Variants in PPHLN1 observed in about 807,000 individuals in gnomAD.
PPHLN1 encodes the protein periphilin 1.
PPHLN1 carries 29 observed loss-of-function variants against 51.3 expected under a neutral mutation model. The observed-to-expected ratio is 0.57, with a 90% CI of 0.42 to 0.77. PPHLN1 has a LOEUF of 0.77. PPHLN1 is among the 30% of genes least tolerant of loss of function. PPHLN1 has a pLI of 0.00. For missense variants in PPHLN1, 436 were observed against 438.4 expected (o/e 0.99, Z 0.05); for synonymous variants, 147 against 147.8 (o/e 0.99, Z 0.04).
In PPHLN1 at chr12:42,374,834, CTTAT is replaced by C. The variant is rs767291293; in HGVS notation, c.300-26_300-23del. 2.7e-6 allele frequency: 4 copies of C among 1,503,970 alleles called. No individual in the cohort carries two copies. The African/African-American group carries it at 4.4e-5, about 17-fold the overall frequency. The allele number at this position is 1,503,970 out of a possible 1,614,324, so 93.2% of individuals were successfully genotyped here. On this transcript the variant is annotated intron_variant, in intron 4 of 9. Transcript: ENST00000358314. ...TATATAGAGGATAGAGTATAATTAA[CTTAT>C]TTTATGTTTTTTTTTTTTTCAAAGG...
chr12:42,446,491 T>G, downstream of PPHLN1: 1 of 1,431,092 alleles, frequency 7.0e-7, no homozygotes, highest in East Asian at 2.5e-5. Context: ...CAAAAAAAAA[T>G]CTCTCCTAGA....
Position 42,391,413 on chromosome 12 carries a change from A to G in PPHLN1, c.649-2157A>G, listed in dbSNP as rs113687848. On this transcript the variant is annotated intron_variant, in intron 7 of 9. Transcript: ENST00000358314. ...GCCACCACACCTGGCTAATTTTTGT[A>G]TATGTAGTAGAGATGGGGTTTCACC... 4.5e-3 allele frequency among the ~76,000 whole-genome samples: 680 copies of G among 151,904 alleles called. 6 individuals carry two copies. The highest frequency in any genetic ancestry group is 0.015 in the African/African-American group (627 of 41,414).
chr12:42,367,744 A>G (rs2075408063), intron 4 of PPHLN1, among the ~76,000 whole-genome samples: 1 of 152,092 alleles, frequency 6.6e-6, no homozygotes, highest in African/African-American at 2.4e-5. Flanking sequence ...TATTATTATT[A>G]AGTTTTTGAA....
chr12:42,442,935 C>T (rs560757437), downstream of PPHLN1: 7 of 846,322 alleles, frequency 8.3e-6, no homozygotes, highest in South Asian at 4.3e-5. Flanking sequence ...TTCCCATAAC[C>T]CATGGTCCCC....
intron 9 of PPHLN1, among the ~76,000 whole-genome samples, chr12:42,414,702 T>C (rs573655395): frequency 3.9e-5 from 6 of 152,288 alleles, no homozygotes; most frequent in African/African-American, 1.2e-4. Flanking sequence ...GTTTTCTAGG[T>C]ATATAGTCAT....
intron 4 of PPHLN1, among the ~76,000 whole-genome samples, chr12:42,360,426 T>C (rs764697019): frequency 2.7e-5 from 4 of 150,712 alleles, no homozygotes; most frequent in Non-Finnish European, 4.4e-5. Context: ...TATAGGTTTT[T>C]GCCAGGACAG....
At chr12:42,429,961 T>C (rs1390320402) in intron 9 of PPHLN1, among the ~76,000 whole-genome samples, 20 of 152,200 alleles carry the variant, frequency 1.3e-4, no homozygotes, top group Non-Finnish European at 2.6e-4. Context: ...ATATTTGGCT[T>C]CTGCCCCCAT....
Position 42,351,996 on chromosome 12 carries a change from G to C in PPHLN1, c.184G>C (p.Asp62His). The C allele has an allele frequency of 6.4e-7, 1 of 1,560,934 alleles. No homozygotes were observed. The highest frequency in any genetic ancestry group is 1.4e-5 in the African/African-American group (1 of 71,614). ...YYSHVDYRDY[D>H]EGRSFSHDRR... ...CAGTCATGTTGATTACCGAGACTAT[G>C]ACGAGGGCCGCAGTTTTTCTCATGA... The change falls in exon 3 of 10, where the codon GAC becomes CAC. Residue 62 changes from aspartate to histidine, a missense_variant. Physicochemically the swap from Asp to His is moderately conservative, Grantham distance 81. Coordinates refer to ENST00000358314, the MANE Select transcript of PPHLN1 (RefSeq NM_201439.2).
chr12:42,337,343 C>G (rs2070817150), intron 2 of PPHLN1, among the ~76,000 whole-genome samples: 2 of 151,026 alleles, frequency 1.3e-5, no homozygotes, highest in Non-Finnish European at 1.5e-5. Flanking sequence ...GGCTCATTCA[C>G]TCTTGTCGCC....
At chr12:42,364,565 A>T (rs887288089) in intron 4 of PPHLN1, among the ~76,000 whole-genome samples, 2 of 152,146 alleles carry the variant, frequency 1.3e-5, no homozygotes, top group Non-Finnish European at 2.9e-5. Flanking sequence ...TTGAGGCTGC[A>T]GTGAGCTGTG....
In PPHLN1 at chr12:42,433,972, A is replaced by G. The variant is rs1303527245; in HGVS notation, c.910-7343A>G. Reference sequence around the variant, plus strand: ...TTTAAAAAAACATAACACCACCAAAAGTTCAGGGTTTGGAGAGCTTCTGGG... The same window carrying G: ...TTTAAAAAAACATAACACCACCAAAGGTTCAGGGTTTGGAGAGCTTCTGGG... On this transcript the variant is annotated intron_variant, in intron 9 of 9. Coordinates refer to ENST00000358314, the MANE Select transcript of PPHLN1 (RefSeq NM_201439.2). Among the ~76,000 whole-genome samples, 3 of 152,174 alleles carry G rather than the reference A, an allele frequency of 2.0e-5. No homozygotes were observed. The South Asian group carries it at 6.2e-4, about 32-fold the overall frequency.
intron 4 of PPHLN1, among the ~76,000 whole-genome samples, chr12:42,362,213 T>A (rs1364441895): frequency 6.6e-6 from 1 of 152,204 alleles, no homozygotes; most frequent in East Asian, 1.9e-4. Context: ...GTTTTGAGTT[T>A]TTTGATTTTT....
At chr12:42,332,643 A>C in intron 1 of PPHLN1, 1 of 1,561,342 alleles carries the variant, frequency 6.4e-7, no homozygotes, top group Non-Finnish European at 8.8e-7. Flanking sequence ...TTACGTCTGT[A>C]TTTCCCCCCC....
chr12:42,417,976 G>T (rs1355752345), intron 9 of PPHLN1, among the ~76,000 whole-genome samples: 3 of 118,298 alleles, frequency 2.5e-5, no homozygotes, highest in Non-Finnish European at 4.8e-5. Flanking sequence ...GTCTCGCTCT[G>T]TCGCCCAGGC....
chr12:42,397,835 G>A (rs902708555), intron 8 of PPHLN1, among the ~76,000 whole-genome samples: 2 of 151,964 alleles, frequency 1.3e-5, no homozygotes, highest in South Asian at 2.1e-4. Context: ...TCTGCCTCCC[G>A]GGTTCAAGTG....
chr12:42,353,395 C>CTAAA (rs2073643697), intron 3 of PPHLN1, among the ~76,000 whole-genome samples: 1 of 152,198 alleles, frequency 6.6e-6, no homozygotes, highest in Admixed American at 6.5e-5. Context: ...TCATACTTTA[C>CTAAA]GCTTGAAGAA....
chr12:42,400,938 T>G (rs910887922), intron 9 of PPHLN1, among the ~76,000 whole-genome samples: 2 of 152,202 alleles, frequency 1.3e-5, no homozygotes, highest in African/African-American at 4.8e-5. Context: ...AACCATGTTT[T>G]CAAATACAGT....
At chr12:42,353,940 TCAAA>T (rs1015300927) in intron 3 of PPHLN1, among the ~76,000 whole-genome samples, 8 of 152,186 alleles carry the variant, frequency 5.3e-5, no homozygotes, top group South Asian at 2.1e-4. Context: ...TAAATTCTCT[TCAAA>T]CAAACAACAA....
chr12:42,380,955 T>C (rs2076708075), intron 5 of PPHLN1, among the ~76,000 whole-genome samples: 1 of 152,174 alleles, frequency 6.6e-6, no homozygotes, highest in South Asian at 2.1e-4. Context: ...GCCTTCTGAG[T>C]TTATGATCTA....
Sources: allele counts gnomAD v4.1 joint callset (sites outside exome capture counted in the v4.1 genomes callset), GRCh38; gene constraint gnomAD v4.1.1; transcripts MANE v1.5; gene names NCBI Gene and HGNC (gene_info 2026-07-23, HGNC 2026-07-21).